CHD9: variants seen among roughly 807,000 people sequenced by gnomAD.
CHD9 encodes the protein ATP-dependent chromatin remodeler CHD9.
Under a neutral mutation model 316.1 loss-of-function variants are expected in CHD9, and 77 were observed. The observed-to-expected ratio is 0.24, with a 90% CI of 0.20 to 0.29. The LOEUF is 0.29. Among genes scored for constraint, CHD9 ranks in the 10% least tolerant of loss-of-function variants. The pLI is 1.00. For missense variants in CHD9, 2,763 were observed against 3,438.1 expected (o/e 0.80, Z 4.91); for synonymous variants, 1,129 against 1,158.3 (o/e 0.97, Z 0.51).
intron 1 of CHD9, among the ~76,000 whole-genome samples, chr16:53,149,119 C>A (rs994466316): frequency 3.9e-5 from 6 of 152,260 alleles, no homozygotes; most frequent in African/African-American, 1.4e-4. Flanking sequence ...TCAGAGAGGA[C>A]AGTTTGTATA....
At chr16:53,146,007 C>T (rs2040543254) in intron 1 of CHD9, among the ~76,000 whole-genome samples, 1 of 151,802 alleles carries the variant, frequency 6.6e-6, no homozygotes, top group Non-Finnish European at 1.5e-5. Flanking sequence ...TATGAGTTGT[C>T]TAGAGTTGTT....
intron 1 of CHD9, among the ~76,000 whole-genome samples, chr16:53,095,996 A>G (rs1353342592): frequency 6.6e-6 from 1 of 151,514 alleles, no homozygotes; most frequent in Non-Finnish European, 1.5e-5. Context: ...CTTTCCAAAT[A>G]TGGTTTACAG....
chr16:53,066,281 G>A (rs2152505963), intron 1 of CHD9, among the ~76,000 whole-genome samples: 1 of 152,236 alleles, frequency 6.6e-6, no homozygotes, highest in South Asian at 2.1e-4. Context: ...GGGGTACAAA[G>A]GAAAGCAGCA....
chr16:53,297,316 C>T (rs367874357), intron 30 of CHD9, among the ~76,000 whole-genome samples, 158 bp downstream of exon 30: 34 of 152,110 alleles, frequency 2.2e-4, no homozygotes, highest in African/African-American at 7.7e-4. Context: ...GCTTAAAGAT[C>T]GCGTATTTGT....
intron 30 of CHD9, chr16:53,299,575 C>T: frequency 2.6e-6 from 1 of 391,954 alleles, no homozygotes; most frequent in South Asian, 2.2e-5. Context: ...CAGCTATTAA[C>T]CCTCCAAAAG....
chr16:53,183,168 G>A (rs1016755286), intron 2 of CHD9, among the ~76,000 whole-genome samples: 1 of 152,154 alleles, frequency 6.6e-6, no homozygotes, highest in African/African-American at 2.4e-5. Context: ...AAACAGAAAA[G>A]TGTAGAAGGT....
intron 16 of CHD9, 94 bp downstream of exon 16, chr16:53,247,597 T>TA (rs2049744097): frequency 1.2e-6 from 1 of 842,910 alleles, no homozygotes; most frequent in African/African-American, 1.7e-5. Context: ...CTCATATCTT[T>TA]CTCTTTGCTA....
At chr16:53,281,512 A>G (rs1365598071) in intron 24 of CHD9, among the ~76,000 whole-genome samples, 1 of 152,142 alleles carries the variant, frequency 6.6e-6, no homozygotes, top group Non-Finnish European at 1.5e-5. Context: ...TTGCCTCTCT[A>G]GGCCTGTCCT....
intron 2 of CHD9, among the ~76,000 whole-genome samples, chr16:53,163,411 T>C (rs2042057292): frequency 6.6e-6 from 1 of 152,142 alleles, no homozygotes; most frequent in Non-Finnish European, 1.5e-5. Context: ...GGTTTCTCCA[T>C]GTTCGTCAGG....
chr16:53,058,998 G>A (rs1356087543), intron 1 of CHD9, among the ~76,000 whole-genome samples: 2 of 152,252 alleles, frequency 1.3e-5, no homozygotes, highest in East Asian at 3.9e-4. Context: ...GGCTACAGGT[G>A]CACACCATCA....
At chr16:53,211,363 T>G (rs1310557889) in intron 3 of CHD9, among the ~76,000 whole-genome samples, 2 of 152,286 alleles carry the variant, frequency 1.3e-5, no homozygotes, top group Middle Eastern at 3.4e-3. Flanking sequence ...AGGGGAGTAG[T>G]AACACTGAAG....
intron 12 of CHD9, among the ~76,000 whole-genome samples, chr16:53,241,950 A>G (rs1287906647): frequency 6.6e-6 from 1 of 152,210 alleles, no homozygotes; most frequent in African/African-American, 2.4e-5. Context: ...CAAGTCCCGC[A>G]GTCGGCTGCA....
intron 2 of CHD9, among the ~76,000 whole-genome samples, chr16:53,204,056 TATACACACAC>T (rs142429575): frequency 0.23 from 25,143 of 111,048 alleles, 3,723 homozygotes; most frequent in Non-Finnish European, 0.28. Flanking sequence ...AAAATATATA[TATACACACAC>T]ACACACACAC....
At chr16:53,093,269 C>G (rs2036103171) in intron 1 of CHD9, among the ~76,000 whole-genome samples, 1 of 152,184 alleles carries the variant, frequency 6.6e-6, no homozygotes, top group African/African-American at 2.4e-5. Flanking sequence ...TTAGGAAAAT[C>G]ACTGACTTCT....
intron 1 of CHD9, among the ~76,000 whole-genome samples, chr16:53,117,831 C>CTT (rs11436680): frequency 1.0e-3 from 151 of 145,904 alleles, no homozygotes; most frequent in East Asian, 5.9e-3. Context: ...AAATATTTCT[C>CTT]TTTTTTTTTT....
intron 22 of CHD9, among the ~76,000 whole-genome samples, chr16:53,269,619 G>A (rs1031622276): frequency 4.6e-5 from 7 of 152,092 alleles, no homozygotes; most frequent in African/African-American, 1.7e-4. Context: ...CTAGGTAGAT[G>A]GAAGAATCAC....
chr16:53,205,920 C>T (rs1165265647), intron 2 of CHD9, among the ~76,000 whole-genome samples: 2 of 152,006 alleles, frequency 1.3e-5, no homozygotes, highest in Non-Finnish European at 2.9e-5. Flanking sequence ...CACACATACA[C>T]ATTCTTTCTC....
At chr16:53,087,299 G>A (rs551603178) in intron 1 of CHD9, among the ~76,000 whole-genome samples, 4 of 152,218 alleles carry the variant, frequency 2.6e-5, no homozygotes, top group Admixed American at 6.5e-5. Flanking sequence ...GAGGGCACAC[G>A]GAGCAGAGAA....
intron 1 of CHD9, among the ~76,000 whole-genome samples, chr16:53,075,376 G>A (rs950769327): frequency 3.3e-5 from 5 of 152,098 alleles, no homozygotes; most frequent in Non-Finnish European, 5.9e-5. Flanking sequence ...GGGGACTATT[G>A]GGAAGGCAAG....
Sources: allele counts gnomAD v4.1 joint callset (sites outside exome capture counted in the v4.1 genomes callset), GRCh38; gene constraint gnomAD v4.1.1; transcripts MANE v1.5; gene names NCBI Gene and HGNC (gene_info 2026-07-23, HGNC 2026-07-21).